The following DCDC1 variants were observed in gnomAD, a reference collection of about 807,000 sequenced individuals.
DCDC1 encodes doublecortin domain-containing protein 1.
DCDC1 carries 200 observed loss-of-function variants against 178.3 expected under a neutral mutation model. That is an observed-to-expected ratio of 1.12 (90% confidence interval 1.00 to 1.26). The LOEUF is 1.26. Ranked by LOEUF, DCDC1 falls within the 50% of genes most tolerant of loss-of-function variation. DCDC1 has a pLI of 0.00. For synonymous variants in DCDC1, 690 were observed against 604.8 expected (o/e 1.14, Z -2.07); for missense variants, 1,983 against 1,749.2 (o/e 1.13, Z -2.38).
intron 9 of DCDC1, among the ~76,000 whole-genome samples, chr11:31,211,740 A>T (rs11031315): frequency 6.6e-6 from 1 of 152,026 alleles, no homozygotes; most frequent in Non-Finnish European, 1.5e-5. Flanking sequence ...GTTCCATATA[A>T]CGTGTCATAG....
At chr11:30,913,696 A>G (rs570774222) in intron 27 of DCDC1, among the ~76,000 whole-genome samples, 1 of 152,334 alleles carries the variant, frequency 6.6e-6, no homozygotes, top group East Asian at 1.9e-4. Context: ...TCTGTGTTAT[A>G]CATGGTTAGA....
At position 31,263,176 on chromosome 11, in the gene DCDC1, T is replaced by A. The variant is rs912384190; in HGVS notation, c.1054+2331A>T. The stretch of plus-strand genomic sequence containing the variant: ...AACGAAGATCCCTTATAGTTTCAAT[T>A]CTAGCAGTTCATTCAAATCTGATGT... On this transcript the variant is annotated intron_variant, in intron 8 of 38. Coordinates refer to ENST00000684477, the MANE Select transcript of DCDC1 (RefSeq NM_001387274.1). 2.6e-5 allele frequency: 30 copies of A among 1,156,556 alleles called. No homozygotes were observed. The Admixed American group carries it at 6.6e-4, about 26-fold the overall frequency. 71.6% of individuals were successfully genotyped at this position (1,156,556 alleles called of 1,614,324 possible). A position where few individuals can be genotyped will look rare whatever the true frequency, so the allele number is the denominator to read the frequency against.
At chr11:30,911,450 A>AAGTAGCATGACCAG in intron 27 of DCDC1, 30 bp from the exon 28 acceptor site, 1 of 1,542,042 alleles carries the variant, frequency 6.5e-7, no homozygotes, top group Non-Finnish European at 8.8e-7. Flanking sequence ...CCACATTACA[A>AAGTAGCATGACCAG]AGTAGCATGA....
intron 17 of DCDC1, among the ~76,000 whole-genome samples, chr11:31,084,350 T>G (rs1166263863): frequency 6.6e-6 from 1 of 152,144 alleles, no homozygotes; most frequent in East Asian, 1.9e-4. Context: ...CATGAAGATA[T>G]TTATTGTTAT....
intron 21 of DCDC1, among the ~76,000 whole-genome samples, chr11:30,948,633 C>A (rs902124406): frequency 3.9e-5 from 6 of 152,316 alleles, no homozygotes; most frequent in Non-Finnish European, 8.8e-5. Flanking sequence ...ACCAAAACAG[C>A]ATGGTACTGC....
At chr11:31,029,294 C>T (rs1953461508) in intron 20 of DCDC1, among the ~76,000 whole-genome samples, 1 of 151,680 alleles carries the variant, frequency 6.6e-6, no homozygotes, top group African/African-American at 2.4e-5. Context: ...AACGGGGTAC[C>T]AGGAGTGGAA....
intron 9 of DCDC1, among the ~76,000 whole-genome samples, chr11:31,210,003 A>G (rs911407500): frequency 5.7e-4 from 86 of 152,176 alleles, no homozygotes; most frequent in Non-Finnish European, 4.4e-5. Context: ...TTTCACTTTC[A>G]TTATTAATTG....
intron 38 of DCDC1, among the ~76,000 whole-genome samples, chr11:30,871,124 T>G (rs1941509687): frequency 6.6e-6 from 1 of 152,090 alleles, no homozygotes; most frequent in Admixed American, 6.5e-5. Flanking sequence ...GATGGTACAG[T>G]GACCCTGAAG....
intron 7 of DCDC1, among the ~76,000 whole-genome samples, chr11:31,274,322 A>C (rs1945812223): frequency 6.6e-6 from 1 of 152,092 alleles, no homozygotes; most frequent in Non-Finnish European, 1.5e-5. Context: ...TTGACTACTA[A>C]TATCTCCCAA....
chr11:31,018,706 G>GCT, intron 20 of DCDC1, among the ~76,000 whole-genome samples: 1 of 152,328 alleles, frequency 6.6e-6, no homozygotes, highest in African/African-American at 2.4e-5. Flanking sequence ...CCTGGGGCAT[G>GCT]CTCTGATGAG....
chr11:30,978,587 A>T (rs1950220124), intron 20 of DCDC1, among the ~76,000 whole-genome samples: 1 of 152,118 alleles, frequency 6.6e-6, no homozygotes, highest in Non-Finnish European at 1.5e-5. Flanking sequence ...TAGGATATCC[A>T]TTACCTCAAG....
rs906019812 is a variant in DCDC1 at position 31,275,486 on chromosome 11, C to T, written c.961-9886G>A. On this transcript the variant is annotated intron_variant, in intron 7 of 38. Coordinates refer to ENST00000684477, the MANE Select transcript of DCDC1 (RefSeq NM_001387274.1). ...AGGAAGACTACAATTATCTTTCTGTCGTCGTTGTTGTTGTTGTTTGCTTTT... is the reference window on the plus strand; with the variant it reads ...AGGAAGACTACAATTATCTTTCTGTTGTCGTTGTTGTTGTTGTTTGCTTTT... Among the ~76,000 whole-genome samples the T allele has an allele frequency of 2.6e-5, 4 of 151,998 alleles. No individual in the cohort carries two copies. In the South Asian group the frequency reaches 6.2e-4, roughly 24 times the overall value.
Position 30,864,059 on chromosome 11 carries a change from G to C in DCDC1, c.*1314C>G, listed in dbSNP as rs1350669150. 1 of 152,194 alleles carries C rather than the reference G, an allele frequency of 6.6e-6. No homozygotes were observed. The highest frequency in any genetic ancestry group is 1.5e-5 in the Non-Finnish European group (1 of 68,052). 9.4% of individuals were successfully genotyped at this position (152,194 alleles called of 1,614,324 possible). Reference sequence around the variant, plus strand: ...GGAGAATTGCTTGAACCTGGGAAGGGGAGCTTGTAGTGAGCTGAGATCGCG... The same window carrying C: ...GGAGAATTGCTTGAACCTGGGAAGGCGAGCTTGTAGTGAGCTGAGATCGCG... On this transcript the variant is annotated 3_prime_UTR_variant, in exon 39 of 39. Coordinates refer to ENST00000684477, the MANE Select transcript of DCDC1 (RefSeq NM_001387274.1).
chr11:30,911,235 G>GT (rs397848645), intron 28 of DCDC1, 92 bp downstream of exon 28: 70,944 of 700,968 alleles, frequency 0.1, 78 homozygotes, highest in South Asian at 0.15. Context: ...TTCTATGACA[G>GT]TTTTTTTTTT....
At chr11:31,223,235 G>C (rs966087345) in intron 9 of DCDC1, among the ~76,000 whole-genome samples, 3 of 152,086 alleles carry the variant, frequency 2.0e-5, no homozygotes, top group African/African-American at 7.2e-5. Flanking sequence ...TGGTTATTAT[G>C]TACAATAGCA....
chr11:31,154,879 G>C (rs189929660), intron 9 of DCDC1, among the ~76,000 whole-genome samples: 110 of 152,290 alleles, frequency 7.2e-4, no homozygotes, highest in African/African-American at 2.4e-3. Context: ...AAAGGCTAAT[G>C]TGGATGCATT....
At chr11:31,064,677 T>C in intron 19 of DCDC1, 51 bp from the exon 20 acceptor site, 1 of 758,030 alleles carries the variant, frequency 1.3e-6, no homozygotes. Flanking sequence ...TGAATGGAAA[T>C]ATCTAAACTA....
chr11:31,007,667 T>TC, intron 20 of DCDC1, among the ~76,000 whole-genome samples: 1 of 152,066 alleles, frequency 6.6e-6, no homozygotes, highest in South Asian at 2.1e-4. Context: ...ATAGGCTTTT[T>TC]TTTTCTTTTT....
chr11:31,042,173 C>T (rs913146809), intron 20 of DCDC1, among the ~76,000 whole-genome samples: 16 of 152,088 alleles, frequency 1.1e-4, no homozygotes, highest in African/African-American at 3.6e-4. Context: ...GAATGAGATT[C>T]AATATTAGGA....
Sources: allele counts gnomAD v4.1 joint callset (sites outside exome capture counted in the v4.1 genomes callset), GRCh38; gene constraint gnomAD v4.1.1; transcripts MANE v1.5; gene names NCBI Gene and HGNC (gene_info 2026-07-23, HGNC 2026-07-21).